KIAA0825: variants seen among roughly 807,000 people sequenced by gnomAD.
KIAA0825 encodes uncharacterized protein KIAA0825.
Under a neutral mutation model 147.6 loss-of-function variants are expected in KIAA0825, and 119 were observed. That is an observed-to-expected ratio of 0.81 (90% confidence interval 0.69 to 0.94). The LOEUF (loss-of-function observed/expected upper bound fraction) is 0.94, where lower values mean the gene tolerates loss of function less well. Among genes scored for constraint, KIAA0825 ranks in the 40% least tolerant of loss-of-function variants. The probability of loss-of-function intolerance (pLI) is 0.00; values close to 1 mark genes in which losing one functional copy is unlikely to be tolerated. For synonymous variants in KIAA0825, 470 were observed against 518.1 expected (o/e 0.91, Z 1.26); for missense variants, 1,381 against 1,472.7 (o/e 0.94, Z 1.02).
chr5:94,514,382 G>A lies in KIAA0825; in HGVS notation c.970+5866C>T, dbSNP rs189050381. Among the ~76,000 whole-genome samples the A allele has an allele frequency of 2.5e-3, 374 of 151,950 alleles. 7 individuals are homozygous for A. In the Middle Eastern group the frequency reaches 0.027, roughly 11 times the overall value. On this transcript the variant is annotated intron_variant, in intron 5 of 20. Transcript: ENST00000682413. ...CTTTCCAAATAGAAAGAAGTGATGT[G>A]GATTTGTACTCTATTACAGTTTCGA...
intron 10 of KIAA0825, among the ~76,000 whole-genome samples, chr5:94,468,751 C>T (rs983201782): frequency 4.6e-5 from 7 of 152,138 alleles, no homozygotes; most frequent in African/African-American, 1.7e-4. Context: ...ACCTTCAGTG[C>T]CTGCGAGGTG....
intron 5 of KIAA0825, among the ~76,000 whole-genome samples, chr5:94,515,433 G>T (rs1034947904): frequency 5.9e-5 from 9 of 151,980 alleles, no homozygotes; most frequent in African/African-American, 2.2e-4. Flanking sequence ...TGACTTTAAA[G>T]CCTTATAAGC....
Position 94,299,389 on chromosome 5 carries a change from T to A in KIAA0825, c.3710+84979A>T, listed in dbSNP as rs1197908289. On this transcript the variant is annotated intron_variant, in intron 20 of 20. Transcript: ENST00000682413. ...GCACCATCACGCTTGGGTAATTTACTTTTTTTTTTTTTTAGAGATGGGGGT... is the reference window on the plus strand; with the variant it reads ...GCACCATCACGCTTGGGTAATTTACATTTTTTTTTTTTTAGAGATGGGGGT... 3.6e-5 allele frequency among the ~76,000 whole-genome samples: 5 copies of A among 139,890 alleles called. No individual in the cohort carries two copies. The East Asian group carries it at 1.0e-3, about 29-fold the overall frequency. The allele number at this position is 139,890 out of a possible 152,430, so 91.8% of individuals were successfully genotyped here. A position where few individuals can be genotyped will look rare whatever the true frequency, so the allele number is the denominator to read the frequency against.
At chr5:94,230,829 G>C (rs10514382) in intron 20 of KIAA0825, among the ~76,000 whole-genome samples, 1 of 152,060 alleles carries the variant, frequency 6.6e-6, no homozygotes, top group Admixed American at 6.6e-5. Context: ...ATACACATCA[G>C]ATCTTCCTCA....
intron 1 of KIAA0825, among the ~76,000 whole-genome samples, chr5:94,583,597 G>T (rs1364024355): frequency 6.6e-6 from 1 of 152,188 alleles, no homozygotes; most frequent in African/African-American, 2.4e-5. Flanking sequence ...TGGGGGCAGG[G>T]CATATATGAA....
intron 20 of KIAA0825, among the ~76,000 whole-genome samples, chr5:94,351,620 C>G (rs1783681891): frequency 6.6e-6 from 1 of 152,112 alleles, no homozygotes; most frequent in Non-Finnish European, 1.5e-5. Flanking sequence ...CTAAAAGAGC[C>G]TGCATAGCCA....
At chr5:94,491,823 A>G (rs1428675151) in intron 5 of KIAA0825, among the ~76,000 whole-genome samples, 2 of 152,314 alleles carry the variant, frequency 1.3e-5, no homozygotes, top group African/African-American at 4.8e-5. Flanking sequence ...CAATATACAC[A>G]AGGTAAAACT....
chr5:94,297,910 A>T (rs1370413356), intron 20 of KIAA0825, among the ~76,000 whole-genome samples: 4 of 149,820 alleles, frequency 2.7e-5, no homozygotes, highest in Non-Finnish European at 5.9e-5. Flanking sequence ...CACTATTATT[A>T]TTTTCAGTTT....
chr5:94,468,315 C>A (rs1017650984), intron 10 of KIAA0825, among the ~76,000 whole-genome samples: 6 of 152,148 alleles, frequency 3.9e-5, no homozygotes, highest in African/African-American at 1.4e-4. Flanking sequence ...CTGTTCTTCA[C>A]GGAAAACATC....
chr5:94,532,921 T>G (rs905900903), intron 3 of KIAA0825, among the ~76,000 whole-genome samples: 16 of 151,856 alleles, frequency 1.1e-4, no homozygotes, highest in Non-Finnish European at 4.4e-5. Flanking sequence ...AAATGAAAAT[T>G]TTTAAGATAC....
chr5:94,599,358 G>T, intron 1 of KIAA0825, among the ~76,000 whole-genome samples: 1 of 110,642 alleles, frequency 9.0e-6, no homozygotes, highest in Non-Finnish European at 1.9e-5. Flanking sequence ...TTTTGCTATG[G>T]AGTTTCTTGT....
intron 20 of KIAA0825, among the ~76,000 whole-genome samples, chr5:94,246,741 G>C (rs548318257): frequency 1.8e-4 from 27 of 152,180 alleles, no homozygotes; most frequent in Non-Finnish European, 3.5e-4. Flanking sequence ...ATATCTGAAT[G>C]AAACTGAATC....
chr5:94,441,738 G>A lies in KIAA0825; in HGVS notation c.2358-1617C>T, dbSNP rs77288216. Among the ~76,000 whole-genome samples, 442 of 152,240 alleles carry A rather than the reference G, an allele frequency of 2.9e-3. 4 individuals carry two copies. Among genetic ancestry groups the A allele is most frequent in the African/African-American group, 0.01 (430 of 41,524 alleles). On this transcript the variant is annotated intron_variant, in intron 13 of 20. Transcript: ENST00000682413. ...AGACTTTCAGCCTCCAGAACCATGA[G>A]AAATAAATGTTTGTTAAGCCACCCA...
chr5:94,367,429 C>T (rs1271797832), intron 20 of KIAA0825, among the ~76,000 whole-genome samples: 1 of 151,938 alleles, frequency 6.6e-6, no homozygotes, highest in Non-Finnish European at 1.5e-5. Flanking sequence ...ACCTGGGAGG[C>T]GGAGGTTGCA....
chr5:94,376,246 A>G (rs1357948849), intron 20 of KIAA0825, among the ~76,000 whole-genome samples: 1 of 152,204 alleles, frequency 6.6e-6, no homozygotes, highest in East Asian at 1.9e-4. Context: ...ATTGACCAGA[A>G]GTATGGTACA....
At chr5:94,597,650 A>G (rs1457635312) in intron 1 of KIAA0825, among the ~76,000 whole-genome samples, 1 of 152,152 alleles carries the variant, frequency 6.6e-6, no homozygotes, top group East Asian at 1.9e-4. Flanking sequence ...TCACTTAAAG[A>G]TGGTGATACA....
intron 20 of KIAA0825, among the ~76,000 whole-genome samples, chr5:94,371,386 AG>A (rs1412954671): frequency 1.3e-5 from 2 of 152,220 alleles, no homozygotes; most frequent in African/African-American, 4.8e-5. Flanking sequence ...ACGCTGCTAT[AG>A]GGACATACCC....
chr5:94,562,672 A>G (rs1777762281), intron 2 of KIAA0825, among the ~76,000 whole-genome samples: 1 of 152,220 alleles, frequency 6.6e-6, no homozygotes, highest in African/African-American at 2.4e-5. Context: ...TTAAGCATGC[A>G]TTTTAATTTT....
intron 2 of KIAA0825, among the ~76,000 whole-genome samples, chr5:94,540,020 T>C (rs941157042): frequency 1.3e-5 from 2 of 152,176 alleles, no homozygotes; most frequent in African/African-American, 4.8e-5. Context: ...AAAAGACCCC[T>C]TTGTGACCAA....
Sources: allele counts gnomAD v4.1 joint callset (sites outside exome capture counted in the v4.1 genomes callset), GRCh38; gene constraint gnomAD v4.1.1; transcripts MANE v1.5; gene names NCBI Gene and HGNC (gene_info 2026-07-23, HGNC 2026-07-21).